BTNL3: variants seen among roughly 807,000 people sequenced by gnomAD.
BTNL3 encodes butyrophilin like 3.
A neutral mutation model predicts 40.1 loss-of-function variants in BTNL3; 20 were observed. The observed-to-expected ratio is 0.50, with a 90% CI of 0.35 to 0.72. The LOEUF (loss-of-function observed/expected upper bound fraction) is 0.72. BTNL3 is among the 30% of genes least tolerant of loss of function. The pLI is 0.01. For missense variants in BTNL3, 449 were observed against 582.2 expected (o/e 0.77, Z 2.35); for synonymous variants, 179 against 222.1 (o/e 0.81, Z 1.73).
At chr5:181,001,502 G>GT (rs928471743) in intron 3 of BTNL3, among the ~76,000 whole-genome samples, 1 of 127,852 alleles carries the variant, frequency 7.8e-6, no homozygotes, top group Non-Finnish European at 1.8e-5. Context: ...TTTATAGATG[G>GT]GGGGGGGTCT....
In BTNL3 at chr5:181,005,974, C is replaced by T. The variant is rs946489878; in HGVS notation, c.*102C>T. 17 of 1,293,216 alleles carry T rather than the reference C, an allele frequency of 1.3e-5. No homozygotes were observed. The highest frequency in any genetic ancestry group is 4.9e-4 in the Middle Eastern group (2 of 4,092). 80.1% of individuals were successfully genotyped at this position (1,293,216 alleles called of 1,614,324 possible). A position where few individuals can be genotyped will look rare whatever the true frequency, so the allele number is the denominator to read the frequency against. On this transcript the variant is annotated 3_prime_UTR_variant, in exon 8 of 8. Coordinates refer to ENST00000342868, the MANE Select transcript of BTNL3 (RefSeq NM_197975.3). Reference sequence around the variant, plus strand: ...GCCCCAGCTTCCTCTCCGGAGCCTGCGCACAGAGAGTCACGCCCCCCACTC... The same window carrying T: ...GCCCCAGCTTCCTCTCCGGAGCCTGTGCACAGAGAGTCACGCCCCCCACTC...
intron 7 of BTNL3, 115 bp from the exon 8 acceptor site, chr5:181,005,219 G>T (rs1427298286): frequency 7.1e-6 from 11 of 1,538,932 alleles, no homozygotes; most frequent in Non-Finnish European, 8.8e-6. Flanking sequence ...GTGGGATAGT[G>T]GGACTGGCCG....
chr5:181,002,826 G>A (rs74331184), intron 4 of BTNL3, 41 bp downstream of exon 4: 65,781 of 1,431,314 alleles, frequency 0.046, 15,711 homozygotes, highest in Non-Finnish European at 0.052. Context: ...CCTTCTTCAT[G>A]GTTCCAGTGG....
In BTNL3 at chr5:180,997,668, T is replaced by G. The variant is rs12332242; in HGVS notation, c.673+180T>G. Among the ~76,000 whole-genome samples the G allele has an allele frequency of 4.6e-3, 636 of 136,904 alleles. 74 individuals are homozygous for G. The highest frequency in any genetic ancestry group is 0.015 in the African/African-American group (603 of 39,750). The allele number at this position is 136,904 out of a possible 152,430, so 89.8% of individuals were successfully genotyped here. A position where few individuals can be genotyped will look rare whatever the true frequency, so the allele number is the denominator to read the frequency against. On this transcript the variant is annotated intron_variant, in intron 3 of 7. Coordinates refer to ENST00000342868, the MANE Select transcript of BTNL3 (RefSeq NM_197975.3). ...AACATTTGATAAGGCAGAAGTAGAATAGTTTACAATTTCAAGGCAGTAGAA... is the reference window on the plus strand; with the variant it reads ...AACATTTGATAAGGCAGAAGTAGAAGAGTTTACAATTTCAAGGCAGTAGAA...
intron 1 of BTNL3, 96 bp downstream of exon 1, chr5:180,989,173 T>C: frequency 1.6e-6 from 2 of 1,268,720 alleles, no homozygotes; most frequent in South Asian, 2.9e-5. Flanking sequence ...GATGCAGGAA[T>C]CTTTGGTGCT....
chr5:181,005,856 C>T lies in BTNL3; in HGVS notation c.1385C>T (p.Pro462Leu). Residue 462 changes from proline to leucine, a missense_variant, in exon 8 of 8, where the codon CCA (proline) becomes CTA (leucine). This residue lies in a region of BTNL3 where 126 missense variants were observed against 117.2 expected (regional missense o/e 1.07). Transcript: ENST00000342868. The stretch of plus-strand genomic sequence containing the variant: ...AAGGGGACTCCCATATTCATATGTC[C>T]AGTGTCCTGGGGATGAGACAGAGAA... ...EEKGTPIFIC[P>L]VSWG 4 of 1,606,760 alleles carry T rather than the reference C, an allele frequency of 2.5e-6. No homozygotes were observed. The highest frequency in any genetic ancestry group is 3.4e-6 in the Non-Finnish European group (4 of 1,176,202).
At chr5:181,002,854 C>G in intron 4 of BTNL3, 69 bp downstream of exon 4, 1 of 1,398,704 alleles carries the variant, frequency 7.1e-7, no homozygotes, top group Non-Finnish European at 9.9e-7. Context: ...ATCAGGCTGC[C>G]CTCACACACC....
chr5:180,998,908 C>T (rs10052194), intron 3 of BTNL3, among the ~76,000 whole-genome samples: 25,409 of 136,356 alleles, frequency 0.19, 6,183 homozygotes, highest in African/African-American at 0.28. Flanking sequence ...AGGCGGATCA[C>T]CTGAGGTCAG....
rs7713324 is a variant in BTNL3, at chr5:181,006,439, A to C, written c.*567A>C. ...ACACCTGCTTTGTGAGGCTCAAAGA[A>C]TAAAGAGGAGGTAGGATTTTTCACT... is the stretch of plus-strand genomic sequence containing the variant. On this transcript the variant is annotated 3_prime_UTR_variant, in exon 8 of 8. Transcript: ENST00000342868. 16,976 of 155,762 alleles carry C rather than the reference A, an allele frequency of 0.11. 1,655 individuals are homozygous for C. The highest frequency in any genetic ancestry group is 0.26 in the African/African-American group (10,720 of 41,678). 9.6% of individuals were successfully genotyped at this position (155,762 alleles called of 1,614,324 possible).
chr5:181,005,796 G>C lies in BTNL3; in HGVS notation c.1325G>C (p.Arg442Thr), dbSNP rs1268522790. Residue 442 changes from arginine to threonine, a missense_variant, in exon 8 of 8, where the codon AGA becomes ACA. Transcript: ENST00000342868. ...LLTCQFEGLLRPYIQHAMYDE... is the reference protein window; with the variant it reads ...LLTCQFEGLLTPYIQHAMYDE... Reference sequence around the variant, plus strand: ...ACATGTCAGTTTGAAGGCTTGTTGAGACCCTATATCCAGCATGCGATGTAT... The same window carrying C: ...ACATGTCAGTTTGAAGGCTTGTTGACACCCTATATCCAGCATGCGATGTAT... 5 of 1,613,984 alleles carry C rather than the reference G, an allele frequency of 3.1e-6. No homozygotes were observed. Among genetic ancestry groups the C allele is most frequent in the Admixed American group, 1.7e-5 (1 of 60,004 alleles).
intron 7 of BTNL3, 132 bp downstream of exon 7, chr5:181,004,894 A>G: frequency 6.5e-7 from 1 of 1,546,110 alleles, no homozygotes; most frequent in Admixed American, 1.8e-5. Flanking sequence ...CTGCCTCTAA[A>G]TACACTTCTT....
At chr5:180,992,745 A>G in intron 1 of BTNL3, 68 bp from the exon 2 acceptor site, 1 of 1,429,246 alleles carries the variant, frequency 7.0e-7, no homozygotes, top group South Asian at 1.2e-5. Flanking sequence ...ACACTTCTCC[A>G]CCCACCAGAG....
rs764913733 is a variant in BTNL3 at position 181,005,458 on chromosome 5, T to C, written c.987T>C (p.Ser329=). The change falls in exon 8 of 8, where the codon AGT becomes AGC. Residue 329 remains serine (S), a synonymous_variant. Transcript: ENST00000342868. The part of the protein sequence containing the change: ...PHSEKRFTRK[S]VVASQGFQAG... ...CTGAGAAGAGATTTACAAGGAAGAG[T>C]GTGGTGGCTTCTCAGGGTTTCCAAG... 5.0e-6 allele frequency: 8 copies of C among 1,613,062 alleles called. No individual in the cohort carries two copies. In the South Asian group the frequency reaches 7.7e-5, roughly 16 times the overall value.
chr5:181,004,864 G>A (rs191728259), intron 7 of BTNL3, 102 bp downstream of exon 7: 804 of 1,604,524 alleles, frequency 5.0e-4, no homozygotes, highest in South Asian at 6.3e-4. Flanking sequence ...TGTGATGCCC[G>A]AATCCACCCC....
In BTNL3 at chr5:181,002,604, C is replaced by T. The variant is rs553749748; in HGVS notation, c.674-68C>T. ...TTTCATCTTGGGGTACTGGGGGATT[C>T]CTTAAATGGGCGTAAAATTGTCTTA... On this transcript the variant is annotated intron_variant, in intron 3 of 7. Coordinates refer to ENST00000342868, the MANE Select transcript of BTNL3 (RefSeq NM_197975.3). The T allele has an allele frequency of 2.8e-5, 38 of 1,366,208 alleles. 5 individuals are homozygous for T. In the African/African-American group the frequency reaches 4.1e-4, roughly 15 times the overall value. The allele number at this position is 1,366,208 out of a possible 1,614,324, so 84.6% of individuals were successfully genotyped here.
intron 1 of BTNL3, among the ~76,000 whole-genome samples, chr5:180,992,274 A>G (rs1759979998): frequency 7.3e-6 from 1 of 137,412 alleles, no homozygotes; most frequent in African/African-American, 2.5e-5. Flanking sequence ...GCTTCAGCGG[A>G]GAATATATAT....
intron 1 of BTNL3, among the ~76,000 whole-genome samples, chr5:180,990,791 G>A (rs1759958743): frequency 7.3e-6 from 1 of 136,926 alleles, no homozygotes; most frequent in South Asian, 2.2e-4. Flanking sequence ...ACAGGGTGCA[G>A]AGAGTGAAGC....
chr5:181,005,897 G>GC lies in BTNL3; in HGVS notation c.*29dup, dbSNP rs750559106. The GC allele has an allele frequency of 1.3e-6, 2 of 1,560,428 alleles. No individual in the cohort carries two copies. The highest frequency in any genetic ancestry group is 1.4e-5 in the African/African-American group (1 of 73,382). On this transcript the variant is annotated 3_prime_UTR_variant, in exon 8 of 8. Coordinates refer to ENST00000342868, the MANE Select transcript of BTNL3 (RefSeq NM_197975.3). The stretch of plus-strand genomic sequence containing the variant: ...AGACAGAGAAGACCCTGCTTAAAGG[G>GC]CCCCACACCACAGACCCAGACACAG...
Position 181,002,803 on chromosome 5 carries a change from G to C in BTNL3, c.787+18G>C, listed in dbSNP as rs1388067981. 1 of 1,443,620 alleles carries C rather than the reference G, an allele frequency of 6.9e-7. No individual in the cohort carries two copies. The highest frequency in any genetic ancestry group is 1.4e-5 in the African/African-American group (1 of 71,756). 89.4% of individuals were successfully genotyped at this position (1,443,620 alleles called of 1,614,324 possible). A position where few individuals can be genotyped will look rare whatever the true frequency, so the allele number is the denominator to read the frequency against. ...ATCCAAAGGTAAGTGAGAGAGAGAAGCATGGGCCCATACCTTCTTCATGGT... is the reference window on the plus strand; with the variant it reads ...ATCCAAAGGTAAGTGAGAGAGAGAACCATGGGCCCATACCTTCTTCATGGT... On this transcript the variant is annotated intron_variant, in intron 4 of 7. Coordinates refer to ENST00000342868, the MANE Select transcript of BTNL3 (RefSeq NM_197975.3).
Sources: allele counts gnomAD v4.1 joint callset (sites outside exome capture counted in the v4.1 genomes callset), GRCh38; gene constraint gnomAD v4.1.1; regional missense constraint gnomAD v4.1.1; transcripts MANE v1.5; gene names NCBI Gene and HGNC (gene_info 2026-07-23, HGNC 2026-07-21).